The following PDS5A variants were observed in gnomAD, a reference collection of about 807,000 sequenced individuals.
PDS5A encodes PDS5 cohesin associated factor A, also known as sister chromatid cohesion protein PDS5 homolog A.
In PDS5A, 42 loss-of-function variants were observed where a neutral mutation model predicts 167.1. The observed-to-expected ratio is 0.25, with a 90% CI of 0.20 to 0.33. The LOEUF (loss-of-function observed/expected upper bound fraction) is 0.33. Ranked by LOEUF, PDS5A falls within the 10% of genes least tolerant of loss-of-function variation. The probability of loss-of-function intolerance (pLI) is 1.00; values close to 1 mark genes in which losing one functional copy is unlikely to be tolerated. For missense variants in PDS5A, 1,033 were observed against 1,605.9 expected, an observed-to-expected ratio of 0.64 and a Z score of 6.10; for synonymous variants, 553 against 554.6, an observed-to-expected ratio of 1.00 and a Z score of 0.04.
At chr4:39,886,224 T>C (rs1721463022) in intron 17 of PDS5A, among the ~76,000 whole-genome samples, 2 of 152,318 alleles carry the variant, frequency 1.3e-5, no homozygotes, top group South Asian at 4.1e-4. Context: ...ACTGTAGTTT[T>C]GTAGTATAAA....
chr4:39,879,389 A>G (rs959878273), intron 18 of PDS5A, among the ~76,000 whole-genome samples: 30 of 152,070 alleles, frequency 2.0e-4, no homozygotes, highest in Non-Finnish European at 3.7e-4. Context: ...TTTAATGATG[A>G]TATTCCCTCC....
chr4:39,917,167 G>T lies in PDS5A; in HGVS notation c.757C>A (p.Leu253Met). The T allele has an allele frequency of 1.3e-6, 2 of 1,556,016 alleles. No homozygotes were observed. Among genetic ancestry groups the T allele is most frequent in the Admixed American group, 2.2e-5 (1 of 46,276 alleles). Residue 253 changes from leucine to methionine, a missense_variant, in exon 8 of 33, where the codon CTG becomes ATG. Leu to Met is a conservative substitution (Grantham distance 15). Transcript: ENST00000303538. ...AAATCACTTACTGATGATCTTCCCAGCACCAGGACTTGATTGAAAAACTGT... is the reference window on the plus strand; with the variant it reads ...AAATCACTTACTGATGATCTTCCCATCACCAGGACTTGATTGAAAAACTGT... ...IANFFNQVLV[L>M]GRSSVSDLSE...
chr4:39,849,438 C>CAAAAAAAAAA, intron 27 of PDS5A, 82 bp downstream of exon 27: 1 of 481,312 alleles, frequency 2.1e-6, no homozygotes, highest in East Asian at 3.4e-5. Flanking sequence ...TACGTATGGC[C>CAAAAAAAAAA]AAAAAAAAAA....
At chr4:39,863,511 T>C (rs992006728) in intron 23 of PDS5A, 52 bp from the exon 24 acceptor site, 11 of 1,371,392 alleles carry the variant, frequency 8.0e-6, no homozygotes, top group East Asian at 2.3e-5. Context: ...CTATCATTCA[T>C]AAAAATGCTT....
chr4:39,895,345 C>A (rs1007778668), intron 16 of PDS5A, among the ~76,000 whole-genome samples: 5 of 151,948 alleles, frequency 3.3e-5, no homozygotes, highest in Non-Finnish European at 7.4e-5. Context: ...ATGCTAAATA[C>A]TGTAGGGAAC....
chr4:39,942,459 AT>A (rs1727312707), intron 2 of PDS5A, among the ~76,000 whole-genome samples: 2 of 151,960 alleles, frequency 1.3e-5, no homozygotes, highest in African/African-American at 4.8e-5. Context: ...CCCAAATTCC[AT>A]TTTTTCTTGA....
intron 20 of PDS5A, 138 bp downstream of exon 20, chr4:39,874,151 T>A (rs1720278015): frequency 3.2e-6 from 2 of 625,924 alleles, no homozygotes; most frequent in Non-Finnish European, 5.4e-6. Flanking sequence ...ATAGACAGAA[T>A]CCTTGCTCAC....
intron 31 of PDS5A, among the ~76,000 whole-genome samples, chr4:39,840,801 C>T (rs1203717599): frequency 6.6e-6 from 1 of 152,174 alleles, no homozygotes; most frequent in Non-Finnish European, 1.5e-5. Flanking sequence ...GTCGCCCAGG[C>T]TGGAATGCAA....
chr4:39,890,897 G>A lies in PDS5A; in HGVS notation c.1771-533C>T, dbSNP rs370726326. Among the ~76,000 whole-genome samples, 193 of 151,874 alleles carry A rather than the reference G, an allele frequency of 1.3e-3. 1 individual carries two copies. In the South Asian group the frequency reaches 0.039, roughly 30 times the overall value. ...CTCCCAAAGTGCTGGGATTACAGGC[G>A]TGAGCCACCACACACCTGGACTATG... On this transcript the variant is annotated intron_variant, in intron 16 of 32. Coordinates refer to ENST00000303538, the MANE Select transcript of PDS5A (RefSeq NM_001100399.2).
chr4:39,960,894 T>C (rs1463074249), intron 2 of PDS5A, among the ~76,000 whole-genome samples: 2 of 152,190 alleles, frequency 1.3e-5, no homozygotes, highest in Non-Finnish European at 2.9e-5. Flanking sequence ...TTCACCATCA[T>C]GGCCAGGATG....
intron 11 of PDS5A, among the ~76,000 whole-genome samples, chr4:39,906,164 T>C (rs1723322213): frequency 6.6e-6 from 1 of 152,118 alleles, no homozygotes; most frequent in African/African-American, 2.4e-5. Context: ...GCCCAGAAGT[T>C]CGAGACCAGC....
chr4:39,971,297 A>C (rs1730510447), intron 2 of PDS5A, among the ~76,000 whole-genome samples: 1 of 151,976 alleles, frequency 6.6e-6, no homozygotes, highest in Admixed American at 6.6e-5. Context: ...CTGGGACTAC[A>C]GGCCCCGCCA....
At chr4:39,950,264 TA>T (rs1016889082) in intron 2 of PDS5A, among the ~76,000 whole-genome samples, 9 of 152,006 alleles carry the variant, frequency 5.9e-5, no homozygotes, top group African/African-American at 2.2e-4. Context: ...AAGCTGTTTT[TA>T]AAAAAGAAAA....
intron 2 of PDS5A, among the ~76,000 whole-genome samples, chr4:39,940,981 A>G (rs1727173441): frequency 6.6e-6 from 1 of 152,230 alleles, no homozygotes; most frequent in African/African-American, 2.4e-5. Flanking sequence ...AGAGATATTA[A>G]CTGAAGAAAC....
chr4:39,883,343 G>A (rs543133856), intron 17 of PDS5A, among the ~76,000 whole-genome samples: 170 of 152,060 alleles, frequency 1.1e-3, no homozygotes, highest in African/African-American at 4.0e-3. Flanking sequence ...ACCACACCTG[G>A]CTAATTTTTG....
intron 32 of PDS5A, among the ~76,000 whole-genome samples, chr4:39,827,482 A>T (rs1453799736): frequency 1.3e-5 from 2 of 152,082 alleles, no homozygotes; most frequent in Non-Finnish European, 2.9e-5. Context: ...GCTTCTGAAA[A>T]ATTTCATGTT....
At chr4:39,913,758 G>T in intron 8 of PDS5A, 32 bp from the exon 9 acceptor site, 1 of 1,077,946 alleles carries the variant, frequency 9.3e-7, no homozygotes, top group Non-Finnish European at 1.4e-6. Context: ...TGAAGCCTAA[G>T]CTTTATTCAC....
rs749859531 is a variant in PDS5A at position 39,920,340 on chromosome 4, A to T, written c.714T>A (p.Thr238=). ...AKVLLKRTVQ[T]IEACIANFFN... is the part of the protein sequence containing the mutation. ...ATACATTAGCAATGCATGCCTCAAT[A>T]GTCTGGACTGTTCTTTTCAATAGCA... is the stretch of plus-strand genomic sequence containing the variant. The change falls in exon 7 of 33, where the codon ACT becomes ACA. Residue 238 remains threonine (T), a synonymous_variant. Transcript: ENST00000303538. The T allele has an allele frequency of 8.5e-6, 13 of 1,524,698 alleles. No individual in the cohort carries two copies. The highest frequency in any genetic ancestry group is 1.1e-5 in the Non-Finnish European group (12 of 1,102,886). 94.4% of individuals were successfully genotyped at this position (1,524,698 alleles called of 1,614,324 possible).
chr4:39,851,429 G>A lies in PDS5A; in HGVS notation c.3087-1777C>T, dbSNP rs143744681. Among the ~76,000 whole-genome samples the A allele has an allele frequency of 7.0e-4, 107 of 152,156 alleles. 1 individual carries two copies. Among genetic ancestry groups the A allele is most frequent in the Admixed American group, 1.2e-3 (19 of 15,290 alleles). ...TCCTCCTACCTCAGCTTCCTGAGTAGCTGGGGCTACAGGCATGTGCCACCA... is the reference window on the plus strand; with the variant it reads ...TCCTCCTACCTCAGCTTCCTGAGTAACTGGGGCTACAGGCATGTGCCACCA... On this transcript the variant is annotated intron_variant, in intron 26 of 32. Transcript: ENST00000303538.
Sources: allele counts gnomAD v4.1 joint callset (sites outside exome capture counted in the v4.1 genomes callset), GRCh38; gene constraint gnomAD v4.1.1; transcripts MANE v1.5; gene names NCBI Gene and HGNC (gene_info 2026-07-23, HGNC 2026-07-21).